Variants in EFHD1 observed in about 807,000 individuals in gnomAD.
EFHD1 encodes EF-hand domain family member D1.
EFHD1 carries 10 observed loss-of-function variants against 17.2 expected under a neutral mutation model. The ratio of observed to expected loss-of-function variants is 0.58; its 90% CI spans 0.36 to 0.99. The LOEUF (loss-of-function observed/expected upper bound fraction) is 0.99. Among genes scored for constraint, EFHD1 ranks in the 50% least tolerant of loss-of-function variants. EFHD1 has a pLI of 0.01. For missense variants in EFHD1, 310 were observed against 327.5 expected (o/e 0.95, Z 0.41); for synonymous variants, 153 against 142.0 (o/e 1.08, Z -0.55).
At chr2:232,634,751 G>T (rs1216059478) in intron 1 of EFHD1, among the ~76,000 whole-genome samples, 1 of 152,226 alleles carries the variant, frequency 6.6e-6, no homozygotes, top group Non-Finnish European at 1.5e-5. Flanking sequence ...TGGAACCTCC[G>T]GGGATCTCAG....
intron 1 of EFHD1, among the ~76,000 whole-genome samples, chr2:232,641,156 C>T (rs1193001644): frequency 6.6e-6 from 1 of 152,024 alleles, no homozygotes; most frequent in Non-Finnish European, 1.5e-5. Context: ...GATCCTCCCG[C>T]CTTAGCCTCC....
chr2:232,638,645 T>C (rs1435451743), intron 1 of EFHD1, among the ~76,000 whole-genome samples: 1 of 152,144 alleles, frequency 6.6e-6, no homozygotes, highest in African/African-American at 2.4e-5. Flanking sequence ...GGAGGCTTAC[T>C]GGGGAGGTGG....
At chr2:232,613,823 CACAAATATACACACAT>C (rs1693862314) in intron 1 of EFHD1, among the ~76,000 whole-genome samples, 2 of 149,942 alleles carry the variant, frequency 1.3e-5, no homozygotes, top group Middle Eastern at 3.4e-3. Context: ...CATATACACA[CACAAATATACACACAT>C]ACACACACAA....
chr2:232,629,435 C>T (rs780819421), upstream of EFHD1, among the ~76,000 whole-genome samples: 4 of 152,158 alleles, frequency 2.6e-5, no homozygotes, highest in Admixed American at 1.3e-4. Flanking sequence ...CAGTTTTATA[C>T]ATTCATTGTA....
intron 1 of EFHD1, among the ~76,000 whole-genome samples, chr2:232,614,061 C>CATGCACACACATACATATACACAT (rs1693873167): frequency 6.6e-6 from 1 of 152,068 alleles, no homozygotes; most frequent in Non-Finnish European, 1.5e-5. Context: ...CATACATACA[C>CATGCACACACATACATATACACAT]ATGCACACAC....
intron 3 of EFHD1, among the ~76,000 whole-genome samples, chr2:232,674,406 G>A (rs1440051897): frequency 6.6e-6 from 1 of 152,204 alleles, no homozygotes; most frequent in African/African-American, 2.4e-5. Flanking sequence ...AATGAAGCAA[G>A]ACAATATGCT....
intron 1 of EFHD1, among the ~76,000 whole-genome samples, chr2:232,650,717 C>T (rs1018510466): frequency 4.6e-5 from 7 of 150,808 alleles, no homozygotes; most frequent in East Asian, 2.0e-4. Context: ...TACAGGTGCT[C>T]ACCACTATGC....
chr2:232,617,929 G>T (rs1057467647), intron 1 of EFHD1, among the ~76,000 whole-genome samples: 8 of 143,552 alleles, frequency 5.6e-5, no homozygotes, highest in Non-Finnish European at 1.2e-4. Flanking sequence ...AGCCTGGGTG[G>T]CAGAACAAGA....
intron 1 of EFHD1, among the ~76,000 whole-genome samples, chr2:232,658,304 G>A (rs986447020): frequency 1.3e-5 from 2 of 152,134 alleles, no homozygotes; most frequent in African/African-American, 2.4e-5. Flanking sequence ...TGTCACCAGC[G>A]AATCTGAGAG....
chr2:232,630,953 C>T (rs1694190352), upstream of EFHD1, among the ~76,000 whole-genome samples: 1 of 152,092 alleles, frequency 6.6e-6, no homozygotes, highest in South Asian at 2.1e-4. Context: ...TGGCCGGGCA[C>T]AGTAGCTCAT....
chr2:232,610,248 G>A (rs1166480337), intron 1 of EFHD1, among the ~76,000 whole-genome samples: 1 of 152,236 alleles, frequency 6.6e-6, no homozygotes, highest in Non-Finnish European at 1.5e-5. Flanking sequence ...CCTTGTGGAG[G>A]TTGGGTGTGG....
chr2:232,656,401 T>G (rs1694761908), intron 1 of EFHD1, among the ~76,000 whole-genome samples: 2 of 150,966 alleles, frequency 1.3e-5, no homozygotes, highest in South Asian at 4.2e-4. Context: ...AGTCAGTCTG[T>G]GGGGGTCTTA....
chr2:232,665,454 C>T (rs1263055892), intron 2 of EFHD1, among the ~76,000 whole-genome samples: 1 of 152,000 alleles, frequency 6.6e-6, no homozygotes. Context: ...CAGAGTCTCA[C>T]TCTGTTGCCC....
chr2:232,629,398 T>TG (rs1694161993), upstream of EFHD1, among the ~76,000 whole-genome samples: 1 of 152,214 alleles, frequency 6.6e-6, no homozygotes, highest in Non-Finnish European at 1.5e-5. Flanking sequence ...TTCTTCACTA[T>TG]AAACAAGAAG....
chr2:232,609,826 C>A (rs1247612966), intron 1 of EFHD1, among the ~76,000 whole-genome samples: 1 of 152,220 alleles, frequency 6.6e-6, no homozygotes, highest in African/African-American at 2.4e-5. Flanking sequence ...TCCAGGTGTG[C>A]CCTGAGGCCT....
chr2:232,619,240 A>G (rs1693979848), intron 1 of EFHD1, among the ~76,000 whole-genome samples: 1 of 151,910 alleles, frequency 6.6e-6, no homozygotes, highest in Non-Finnish European at 1.5e-5. Flanking sequence ...AAATGTAAAG[A>G]CAGAAAAGCA....
intron 3 of EFHD1, among the ~76,000 whole-genome samples, chr2:232,676,204 T>C (rs2106219533): frequency 6.6e-6 from 1 of 152,054 alleles, no homozygotes; most frequent in South Asian, 2.1e-4. Flanking sequence ...GGCCTCCCCC[T>C]ATTCCCAGAA....
exon 1 of EFHD1, chr2:232,606,065 C>A: frequency 7.1e-7 from 1 of 1,405,464 alleles, no homozygotes; most frequent in Non-Finnish European, 9.9e-7. Context: ...CCGCTAAGTG[C>A]AGGCGGATAC....
At chr2:232,614,613 G>A (rs1693889252) in intron 1 of EFHD1, among the ~76,000 whole-genome samples, 1 of 152,198 alleles carries the variant, frequency 6.6e-6, no homozygotes, top group Non-Finnish European at 1.5e-5. Flanking sequence ...GGATTGTTTG[G>A]CAATTGTGGA....
Sources: gnomAD v4.1 joint callset for allele counts (sites outside exome capture counted in the v4.1 genomes callset) on GRCh38, gnomAD v4.1.1 for gene constraint, MANE v1.5 for transcripts, NCBI Gene and HGNC (gene_info 2026-07-23, HGNC 2026-07-21) for gene names.